The following LYZL4 variants were observed in gnomAD, a reference collection of about 807,000 sequenced individuals.
LYZL4 encodes lysozyme-like protein 4.
A neutral mutation model predicts 17.6 loss-of-function variants in LYZL4; 13 were observed. The ratio of observed to expected loss-of-function variants is 0.74; its 90% CI spans 0.48 to 1.18. The LOEUF is 1.18. Among genes scored for constraint, LYZL4 ranks in the 50% most tolerant of loss-of-function variants. LYZL4 has a pLI of 0.00. For missense variants in LYZL4, 174 were observed against 188.2 expected (o/e 0.92, Z 0.44); for synonymous variants, 64 against 67.7 (o/e 0.95, Z 0.27).
the LYZL4 span, among the ~76,000 whole-genome samples, chr3:42,387,851 C>T: frequency 6.6e-6 from 1 of 152,162 alleles, no homozygotes; most frequent in Non-Finnish European, 1.5e-5. Flanking sequence ...TTTCCATCTC[C>T]TCCTGCTTCT....
the LYZL4 span, among the ~76,000 whole-genome samples, chr3:42,390,917 G>A: frequency 1.3e-5 from 2 of 152,220 alleles, no homozygotes; most frequent in African/African-American, 4.8e-5. Context: ...CCTGGTTTTG[G>A]TGGAGCCTTG....
chr3:42,366,129 G>A, the LYZL4 span, among the ~76,000 whole-genome samples: 1 of 152,044 alleles, frequency 6.6e-6, no homozygotes, highest in African/African-American at 2.4e-5. Flanking sequence ...AAAAGGCCAT[G>A]TTTGTCCACA....
Position 42,404,086 on chromosome 3 carries a change from C to G in LYZL4, c.331G>C (p.Ala111Pro). 1 of 1,612,902 alleles carries G rather than the reference C, an allele frequency of 6.2e-7. No individual in the cohort carries two copies. The highest frequency in any genetic ancestry group is 8.5e-7 in the Non-Finnish European group (1 of 1,179,004). ...TCTTTTCCTTTTACAATGGTCTTGG[C>G]ACATTTAATTGTCTTCTCTAAATTA... is the stretch of plus-strand genomic sequence containing the variant. Reference protein sequence around the residue: ...NPNLEKTIKCAKTIVKGKEGM... With the variant: ...NPNLEKTIKCPKTIVKGKEGM... Residue 111 changes from alanine to proline, a missense_variant, in exon 4 of 5, where the codon GCC becomes CCC. Transcript: ENST00000287748.
At chr3:42,395,326 A>C (rs538397844), downstream of LYZL4, among the ~76,000 whole-genome samples, 3 of 152,362 alleles carry the variant, frequency 2.0e-5, no homozygotes, top group Admixed American at 2.0e-4. Context: ...GTAACAATAA[A>C]GAGTTATATA....
rs1289225335 is a variant in LYZL4, at chr3:42,410,450, G to A, written c.-126C>T. ...CAGCCCTTCCAAAGGCTGGCTTTTG[G>A]TGCCTTTCCAAGGGGAGGGGAAGAA... On this transcript the variant is annotated 5_prime_UTR_variant, in exon 1 of 5. Transcript: ENST00000287748. 1 of 152,208 alleles carries A rather than the reference G, an allele frequency of 6.6e-6. No individual in the cohort carries two copies. Among genetic ancestry groups the A allele is most frequent in the Non-Finnish European group, 1.5e-5 (1 of 68,054 alleles). 9.4% of individuals were successfully genotyped at this position (152,208 alleles called of 1,614,324 possible).
chr3:42,387,489 C>T, the LYZL4 span, among the ~76,000 whole-genome samples: 1 of 152,168 alleles, frequency 6.6e-6, no homozygotes, highest in Non-Finnish European at 1.5e-5. Flanking sequence ...TCACCCAAGG[C>T]TGTGGAGGGA....
the LYZL4 span, among the ~76,000 whole-genome samples, chr3:42,361,982 G>T: frequency 6.6e-6 from 1 of 152,036 alleles, no homozygotes; most frequent in Non-Finnish European, 1.5e-5. Context: ...TTAATTAAAA[G>T]AATTTTAACT....
At chr3:42,387,884 A>G in the LYZL4 span, among the ~76,000 whole-genome samples, 1 of 151,892 alleles carries the variant, frequency 6.6e-6, no homozygotes, top group African/African-American at 2.4e-5. Context: ...AAGCCTCTCC[A>G]CAACTGATTG....
chr3:42,406,453 C>CAAAAAAA (rs565639489), intron 3 of LYZL4, among the ~76,000 whole-genome samples: 32 of 84,146 alleles, frequency 3.8e-4, no homozygotes, highest in African/African-American at 9.2e-4. Context: ...GACTCCGTCT[C>CAAAAAAA]AAAAAAAAAA....
chr3:42,382,960 G>T, the LYZL4 span, among the ~76,000 whole-genome samples: 1 of 152,044 alleles, frequency 6.6e-6, no homozygotes, highest in African/African-American at 2.4e-5. Context: ...GTGATGCTTG[G>T]CAGTGAGGGT....
chr3:42,396,968 T>A (rs1182361861), downstream of LYZL4: 11 of 224,488 alleles, frequency 4.9e-5, no homozygotes, highest in Non-Finnish European at 5.3e-5. Flanking sequence ...GTTTTTCAGA[T>A]AATTTCCTTC....
At chr3:42,402,923 A>G (rs1378629731) in intron 4 of LYZL4, among the ~76,000 whole-genome samples, 2 of 152,230 alleles carry the variant, frequency 1.3e-5, no homozygotes, top group African/African-American at 4.8e-5. Context: ...TAGCAATGAG[A>G]ATGAATCACA....
the LYZL4 span, among the ~76,000 whole-genome samples, chr3:42,385,213 C>G: frequency 6.6e-6 from 1 of 151,924 alleles, no homozygotes; most frequent in African/African-American, 2.4e-5. Flanking sequence ...AAGTCTTTTG[C>G]CTCTTTTCAA....
chr3:42,379,100 T>C, the LYZL4 span, among the ~76,000 whole-genome samples: 2 of 152,098 alleles, frequency 1.3e-5, no homozygotes, highest in East Asian at 3.9e-4. Context: ...CCAATAGCAA[T>C]GATTGTTTGC....
intron 3 of LYZL4, among the ~76,000 whole-genome samples, chr3:42,406,333 AGT>A (rs951314676): frequency 6.6e-6 from 1 of 151,732 alleles, no homozygotes; most frequent in Non-Finnish European, 1.5e-5. Context: ...GGGCGCCTGT[AGT>A]CCCAGCTACT....
At chr3:42,365,733 T>C in the LYZL4 span, among the ~76,000 whole-genome samples, 1 of 152,172 alleles carries the variant, frequency 6.6e-6, no homozygotes, top group Non-Finnish European at 1.5e-5. Context: ...GGAGAATTGG[T>C]ACCAATATTT....
chr3:42,403,661 A>C (rs868598146), intron 4 of LYZL4, among the ~76,000 whole-genome samples: 84 of 152,316 alleles, frequency 5.5e-4, no homozygotes, highest in African/African-American at 1.9e-3. Flanking sequence ...GTAGAAATAT[A>C]AACAAATATG....
chr3:42,383,017 C>T, the LYZL4 span, among the ~76,000 whole-genome samples: 3 of 152,138 alleles, frequency 2.0e-5, no homozygotes, highest in South Asian at 6.2e-4. Flanking sequence ...TCAGTTAGGC[C>T]CCAGCTTTCC....
At chr3:42,366,896 T>A in the LYZL4 span, among the ~76,000 whole-genome samples, 1 of 152,208 alleles carries the variant, frequency 6.6e-6, no homozygotes, top group African/African-American at 2.4e-5. Context: ...TCTGTGTCTG[T>A]CTCCCCATGA....
Sources: gnomAD v4.1 joint callset for allele counts (sites outside exome capture counted in the v4.1 genomes callset) on GRCh38, gnomAD v4.1.1 for gene constraint, MANE v1.5 for transcripts, NCBI Gene and HGNC (gene_info 2026-07-23, HGNC 2026-07-21) for gene names.